Variants in SHROOM3 observed in about 807,000 individuals in gnomAD.
SHROOM3 encodes shroom family member 3.
Under a neutral mutation model 138.6 loss-of-function variants are expected in SHROOM3, and 47 were observed. The ratio of observed to expected loss-of-function variants is 0.34; its 90% CI spans 0.27 to 0.43. The LOEUF (loss-of-function observed/expected upper bound fraction) is 0.43, where lower values mean the gene tolerates loss of function less well. SHROOM3 is among the 20% of genes least tolerant of loss of function. The pLI is 1.00. For missense variants in SHROOM3, 2,491 were observed against 2,596.5 expected, an observed-to-expected ratio of 0.96 and a Z score of 0.88; for synonymous variants, 1,062 against 1,063.3, an observed-to-expected ratio of 1.00 and a Z score of 0.02.
intron 2 of SHROOM3, among the ~76,000 whole-genome samples, chr4:76,665,404 A>G (rs552797223): frequency 1.3e-5 from 2 of 152,300 alleles, no homozygotes; most frequent in African/African-American, 4.8e-5. Flanking sequence ...AAGGTGTACC[A>G]GGAAGCTGTG....
intron 2 of SHROOM3, among the ~76,000 whole-genome samples, chr4:76,602,920 G>A (rs1374296365): frequency 1.3e-5 from 2 of 152,126 alleles, no homozygotes; most frequent in Non-Finnish European, 2.9e-5. Context: ...AGAATTGAAT[G>A]AGTTATGCAT....
At position 76,549,228 on chromosome 4, in the gene SHROOM3, C is replaced by T. The variant is rs545789546; in HGVS notation, c.169-6381C>T. Among the ~76,000 whole-genome samples the T allele has an allele frequency of 2.0e-5, 3 of 152,174 alleles. No individual in the cohort carries two copies. In the South Asian group the frequency reaches 6.2e-4, roughly 32 times the overall value. On this transcript the variant is annotated intron_variant, in intron 1 of 10. Transcript: ENST00000296043. ...CTTACGATGTATGCATTTAGTTAGC[C>T]TCAGTACAATCAAATGTGTTGTTAC...
intron 5 of SHROOM3, among the ~76,000 whole-genome samples, chr4:76,743,583 T>C (rs1477160596): frequency 6.6e-6 from 1 of 152,212 alleles, no homozygotes; most frequent in African/African-American, 2.4e-5. Flanking sequence ...TGCAACCTTC[T>C]ATTTTCTTCT....
At chr4:76,667,062 G>T (rs1718711512) in intron 2 of SHROOM3, among the ~76,000 whole-genome samples, 1 of 152,214 alleles carries the variant, frequency 6.6e-6, no homozygotes, top group Non-Finnish European at 1.5e-5. Flanking sequence ...GTGGTTGGCA[G>T]GGGCTGGGGA....
intron 2 of SHROOM3, among the ~76,000 whole-genome samples, chr4:76,566,457 C>G (rs77041008): frequency 0.016 from 2,396 of 152,204 alleles, 66 homozygotes; most frequent in African/African-American, 0.055. Flanking sequence ...ACTTTGTATA[C>G]CCTTAGCATA....
At position 76,664,170 on chromosome 4, in the gene SHROOM3, T is replaced by C. The variant is rs2110094611; in HGVS notation, c.324-45986T>C. ...TTACCACATGGGATCCTCCTGGCTGTCAGCATTCATGTAATTTCAAAAAGT... is the reference window on the plus strand; with the variant it reads ...TTACCACATGGGATCCTCCTGGCTGCCAGCATTCATGTAATTTCAAAAAGT... On this transcript the variant is annotated intron_variant, in intron 2 of 10. Transcript: ENST00000296043. The surrounding 1 kb of genome is among the most constrained non-coding windows in gnomAD (Gnocchi z 4.2). Among the ~76,000 whole-genome samples, 1 of 152,364 alleles carries C rather than the reference T, an allele frequency of 6.6e-6. No homozygotes were observed. Among genetic ancestry groups the C allele is most frequent in the East Asian group, 1.9e-4 (1 of 5,192 alleles).
chr4:76,681,895 C>A (rs778114349), intron 2 of SHROOM3, among the ~76,000 whole-genome samples: 3 of 152,128 alleles, frequency 2.0e-5, no homozygotes, highest in Admixed American at 2.0e-4. Flanking sequence ...GCTGGGCTCG[C>A]AGGGACTCTG....
At chr4:76,707,500 A>G (rs1458228686) in intron 2 of SHROOM3, among the ~76,000 whole-genome samples, 2 of 152,128 alleles carry the variant, frequency 1.3e-5, no homozygotes, top group African/African-American at 4.8e-5. Context: ...GTGTATAACC[A>G]TTGGCGCACC....
rs1453476838 is a variant in SHROOM3 at position 76,741,922 on chromosome 4, G to A, written c.3749G>A (p.Arg1250His). 4 of 1,612,164 alleles carry A rather than the reference G, an allele frequency of 2.5e-6. No individual in the cohort carries two copies. The highest frequency in any genetic ancestry group is 1.3e-5 in the African/African-American group (1 of 75,022). The change falls in exon 5 of 11, where the codon CGC (arginine) becomes CAC (histidine). Residue 1250 changes from arginine to histidine, a missense_variant. Physicochemically the swap from Arg to His is conservative, Grantham distance 29. Around this residue, in one of 4 missense-constraint regions of SHROOM3, gnomAD observed 1,733 missense variants for 1,661.6 expected, o/e 1.04. Coordinates refer to ENST00000296043, the MANE Select transcript of SHROOM3 (RefSeq NM_020859.4). The surrounding 1 kb of genome is among the most constrained non-coding windows in gnomAD (Gnocchi z 6.2). ...SRSSPATADKRQDVLLGQDSG... is the reference protein window; with the variant it reads ...SRSSPATADKHQDVLLGQDSG... ...TCATCTCCCGCCACCGCAGACAAGC[G>A]CCAGGTACGTGCAACCAGCAAGTCC...
intron 2 of SHROOM3, among the ~76,000 whole-genome samples, chr4:76,621,899 C>T (rs572458644): frequency 7.0e-4 from 106 of 151,212 alleles, no homozygotes; most frequent in African/African-American, 2.4e-3. Flanking sequence ...ACACGATCTC[C>T]GGCTCACTGC....
At chr4:76,450,099 A>G (rs1730896230) in intron 1 of SHROOM3, among the ~76,000 whole-genome samples, 1 of 152,202 alleles carries the variant, frequency 6.6e-6, no homozygotes, top group Non-Finnish European at 1.5e-5. Flanking sequence ...TGCCTGCTCT[A>G]GCTCCAGGGA....
chr4:76,658,730 C>G (rs914622894), intron 2 of SHROOM3, among the ~76,000 whole-genome samples: 6 of 152,002 alleles, frequency 3.9e-5, no homozygotes, highest in Non-Finnish European at 8.8e-5. Flanking sequence ...TAGGATCCAA[C>G]TAGTAACTAA....
Position 76,741,389 on chromosome 4 carries a change from C to A in SHROOM3, c.3216C>A (p.Ser1072Arg). 6.2e-7 allele frequency: 1 copy of A among 1,601,816 alleles called. No individual in the cohort carries two copies. Among genetic ancestry groups the A allele is most frequent in the Non-Finnish European group, 8.5e-7 (1 of 1,175,108 alleles). ...ERDGKACSTL[S>R]LSGPELKQFQ... ...ATGGCAAGGCCTGCTCCACGCTCAG[C>A]CTGTCGGGGCCCGAGCTGAAGCAGT... The change falls in exon 5 of 11, where the codon AGC (serine) becomes AGA (arginine). Residue 1072 changes from serine (S) to arginine (R), a missense_variant. Physicochemically the swap from Ser to Arg is moderately radical, Grantham distance 110 (BLOSUM62 -1). Transcript: ENST00000296043. This position sits in a 1 kb window ranked among gnomAD's most constrained non-coding sequence, Gnocchi z 6.2.
chr4:76,758,458 A>AAT (rs758584960), intron 8 of SHROOM3: 1 of 38,408 alleles, frequency 2.6e-5, no homozygotes, highest in African/African-American at 1.7e-4. Flanking sequence ...CTGGGGATTT[A>AAT]AAAAAAAAAA....
At chr4:76,703,686 G>A (rs1315758515) in intron 2 of SHROOM3, among the ~76,000 whole-genome samples, 3 of 152,202 alleles carry the variant, frequency 2.0e-5, no homozygotes, top group Non-Finnish European at 4.4e-5. Context: ...AGATGCAATA[G>A]TAAGGCTAAC....
chr4:76,527,962 GT>G, intron 1 of SHROOM3, among the ~76,000 whole-genome samples: 1 of 152,182 alleles, frequency 6.6e-6, no homozygotes, highest in East Asian at 1.9e-4. Context: ...ACAAGGGAGG[GT>G]GAATGGATAT....
At chr4:76,699,942 C>G (rs1719857873) in intron 2 of SHROOM3, among the ~76,000 whole-genome samples, 1 of 152,072 alleles carries the variant, frequency 6.6e-6, no homozygotes, top group Non-Finnish European at 1.5e-5. Flanking sequence ...GTAGTCCAAG[C>G]AGAATATCAG....
intron 2 of SHROOM3, among the ~76,000 whole-genome samples, chr4:76,655,708 T>G (rs1032115575): frequency 5.3e-5 from 8 of 152,220 alleles, no homozygotes; most frequent in Admixed American, 4.6e-4. Flanking sequence ...AAAGGCCAGT[T>G]AAGCCTGTCT....
At chr4:76,488,160 A>T (rs1393266081) in intron 1 of SHROOM3, among the ~76,000 whole-genome samples, 1 of 152,132 alleles carries the variant, frequency 6.6e-6, no homozygotes, top group Admixed American at 6.5e-5. Flanking sequence ...AAATTGTTTA[A>T]GTGTGTAAAT....
Sources: gnomAD v4.1 joint callset for allele counts (sites outside exome capture counted in the v4.1 genomes callset) on GRCh38, gnomAD v4.1.1 for gene constraint, gnomAD v4.1.1 regional missense constraint, Gnocchi (gnomAD v3.1) non-coding constraint, MANE v1.5 for transcripts, NCBI Gene and HGNC (gene_info 2026-07-23, HGNC 2026-07-21) for gene names.